ASTN2: variants seen among roughly 807,000 people sequenced by gnomAD.
The protein encoded by ASTN2 is astrotactin 2, also known as astrotactin-2.
Under a neutral mutation model 139.8 loss-of-function variants are expected in ASTN2, and 54 were observed. That is an observed-to-expected ratio of 0.39 (90% CI 0.31 to 0.48). The LOEUF is 0.48. Ranked by LOEUF, ASTN2 falls within the 20% of genes least tolerant of loss-of-function variation. The pLI is 0.95. For missense variants in ASTN2, 1,565 were observed against 1,725.1 expected (o/e 0.91, Z 1.64); for synonymous variants, 756 against 719.5 (o/e 1.05, Z -0.81).
chr9:117,345,533 G>A (rs1322952144), intron 1 of ASTN2, among the ~76,000 whole-genome samples: 2 of 152,162 alleles, frequency 1.3e-5, no homozygotes, highest in African/African-American at 4.8e-5. Flanking sequence ...CTTGCCCAAG[G>A]TCACACAGCT....
At chr9:117,175,505 T>G (rs893383499) in intron 3 of ASTN2, among the ~76,000 whole-genome samples, 1 of 152,090 alleles carries the variant, frequency 6.6e-6, no homozygotes, top group African/African-American at 2.4e-5. Context: ...AGAAAATGAA[T>G]GAGGGAGTCC....
At chr9:117,213,726 C>A (rs1408858483) in intron 3 of ASTN2, among the ~76,000 whole-genome samples, 1 of 152,104 alleles carries the variant, frequency 6.6e-6, no homozygotes, top group African/African-American at 2.4e-5. Context: ...ATCATTCCTG[C>A]CTTGAGGAAG....
chr9:116,967,831 C>G (rs928129476), intron 10 of ASTN2, among the ~76,000 whole-genome samples: 1 of 152,164 alleles, frequency 6.6e-6, no homozygotes, highest in African/African-American at 2.4e-5. Flanking sequence ...GTCCTGCTGC[C>G]CCAACCCTCC....
At chr9:116,893,270 T>A (rs1264953574) in intron 10 of ASTN2, among the ~76,000 whole-genome samples, 2 of 152,166 alleles carry the variant, frequency 1.3e-5, no homozygotes, top group Non-Finnish European at 2.9e-5. Context: ...TTCAGGACAC[T>A]TTTTTGTTTC....
chr9:117,219,235 A>G (rs576550806), intron 2 of ASTN2, among the ~76,000 whole-genome samples: 1 of 152,262 alleles, frequency 6.6e-6, no homozygotes, highest in African/African-American at 2.4e-5. Flanking sequence ...CCATAGAATT[A>G]CATACTCCCT....
chr9:116,917,337 C>T (rs1564339700), intron 10 of ASTN2, among the ~76,000 whole-genome samples: 1 of 151,610 alleles, frequency 6.6e-6, no homozygotes, highest in East Asian at 1.9e-4. Flanking sequence ...GTCAGCCCCA[C>T]CCCCCAACTA....
At chr9:117,410,054 A>G (rs1341038034) in intron 1 of ASTN2, among the ~76,000 whole-genome samples, 1 of 151,302 alleles carries the variant, frequency 6.6e-6, no homozygotes, top group African/African-American at 2.4e-5. Context: ...CTTTCTTCAC[A>G]CTCCCTCCCC....
At chr9:117,265,696 AAT>A (rs1833924910) in intron 2 of ASTN2, among the ~76,000 whole-genome samples, 1 of 152,188 alleles carries the variant, frequency 6.6e-6, no homozygotes, top group Admixed American at 6.5e-5. Flanking sequence ...CTGATATTCT[AAT>A]ATGTTAAAGA....
At chr9:117,195,434 T>C (rs1831473661) in intron 3 of ASTN2, among the ~76,000 whole-genome samples, 1 of 152,116 alleles carries the variant, frequency 6.6e-6, no homozygotes, top group Non-Finnish European at 1.5e-5. Flanking sequence ...ACTGGAGTGA[T>C]CACAACAGAG....
chr9:117,003,953 C>CGCGCGCGTGTGTGTGTGTGTGTGTGT (rs1218309835), intron 7 of ASTN2, among the ~76,000 whole-genome samples: 4 of 146,226 alleles, frequency 2.7e-5, no homozygotes, highest in African/African-American at 1.0e-4. Flanking sequence ...CGCGCGCGCG[C>CGCGCGCGTGTGTGTGTGTGTGTGTGT]GTGTGTGTGT....
At chr9:117,149,192 G>C (rs1269459182) in intron 3 of ASTN2, among the ~76,000 whole-genome samples, 1 of 151,700 alleles carries the variant, frequency 6.6e-6, no homozygotes, top group Non-Finnish European at 1.5e-5. Context: ...GCTAATTTTT[G>C]TATTTTTAGT....
intron 4 of ASTN2, among the ~76,000 whole-genome samples, chr9:117,119,009 A>ACCT (rs1829474779): frequency 6.6e-6 from 1 of 152,250 alleles, no homozygotes; most frequent in African/African-American, 2.4e-5. Flanking sequence ...TTACAGAAGA[A>ACCT]TAGAACCTGC....
In ASTN2 at chr9:116,975,343, G is replaced by T. The variant is rs757183107; in HGVS notation, c.1754C>A (p.Ser585Tyr). 6.2e-7 allele frequency: 1 copy of T among 1,604,946 alleles called. No individual in the cohort carries two copies. The change falls in exon 10 of 23, where the codon TCT becomes TAT. Residue 585 changes from serine to tyrosine, a missense_variant and splice_region_variant. Ser to Tyr is a moderately radical substitution (Grantham distance 144, BLOSUM62 -2). Transcript: ENST00000313400. ...GAGGCCTTGGCCCAAGCTGAAAGTA[G>T]ACCTGCAATGTAAGAGTTTCCATTG... ...GEQAPEKILR[S>Y]TFSLGQGLWL...
In ASTN2 at chr9:116,618,028, G is replaced by C. The variant is rs377247296; in HGVS notation, c.3355+296C>G. Among the ~76,000 whole-genome samples, 44 of 152,234 alleles carry C rather than the reference G, an allele frequency of 2.9e-4. 2 individuals are homozygous for C. Among genetic ancestry groups the C allele is most frequent in the African/African-American group, 9.9e-4 (41 of 41,538 alleles). ...AGCCCTTCAAGCATGAGTCCTGCAG[G>C]CCTTCCCAGATACAGAAAGGTCAAA... On this transcript the variant is annotated intron_variant, in intron 19 of 22. Coordinates refer to ENST00000313400, the MANE Select transcript of ASTN2 (RefSeq NM_001365068.1).
chr9:116,947,248 G>A (rs904446158), intron 10 of ASTN2, among the ~76,000 whole-genome samples: 31 of 152,168 alleles, frequency 2.0e-4, no homozygotes, highest in African/African-American at 7.5e-4. Flanking sequence ...CTTACTGAGT[G>A]AAATGGGATT....
At chr9:116,689,107 TC>T (rs768452232) in intron 16 of ASTN2, among the ~76,000 whole-genome samples, 1 of 151,862 alleles carries the variant, frequency 6.6e-6, no homozygotes, top group Non-Finnish European at 1.5e-5. Context: ...GATACGCCCT[TC>T]CCCCCCGCAG....
At chr9:117,161,518 C>T (rs919101558) in intron 3 of ASTN2, among the ~76,000 whole-genome samples, 1 of 152,066 alleles carries the variant, frequency 6.6e-6, no homozygotes, top group African/African-American at 2.4e-5. Flanking sequence ...CTCAGCCTCC[C>T]TAGTAACTGG....
chr9:116,814,098 G>A (rs1831243969), intron 12 of ASTN2, among the ~76,000 whole-genome samples: 1 of 151,728 alleles, frequency 6.6e-6, no homozygotes, highest in South Asian at 2.1e-4. Context: ...AGCTCAAGGA[G>A]CTGCACAACA....
intron 20 of ASTN2, among the ~76,000 whole-genome samples, chr9:116,463,627 A>G (rs1422653915): frequency 1.3e-5 from 2 of 152,120 alleles, no homozygotes; most frequent in Admixed American, 6.5e-5. Flanking sequence ...CTTCTCTGAC[A>G]GTTGAATTAA....
Sources: gnomAD v4.1 joint callset for allele counts (sites outside exome capture counted in the v4.1 genomes callset) on GRCh38, gnomAD v4.1.1 for gene constraint, MANE v1.5 for transcripts, NCBI Gene and HGNC (gene_info 2026-07-23, HGNC 2026-07-21) for gene names.